Variants in CTNNA2 observed in about 807,000 individuals in gnomAD.
CTNNA2 encodes the protein catenin alpha-2.
CTNNA2 carries 42 observed loss-of-function variants against 101.0 expected under a neutral mutation model. That is an observed-to-expected ratio of 0.42 (90% CI 0.32 to 0.54). The LOEUF is 0.54. CTNNA2 is among the 20% of genes least tolerant of loss of function. The pLI is 0.14. For synonymous variants in CTNNA2, 450 were observed against 456.4 expected (o/e 0.99, Z 0.18); for missense variants, 871 against 1,223.1 (o/e 0.71, Z 4.29).
intron 2 of CTNNA2, among the ~76,000 whole-genome samples, chr2:79,248,148 G>A (rs1350339479): frequency 6.6e-6 from 1 of 152,100 alleles, no homozygotes; most frequent in African/African-American, 2.4e-5. Flanking sequence ...CTGTCTCAGA[G>A]CCTTGCTTTT....
rs139368273 is a variant in CTNNA2, at chr2:80,465,745, C to G, written c.1290+46144C>G. Among the ~76,000 whole-genome samples the G allele has an allele frequency of 3.3e-3, 495 of 152,186 alleles. 2 individuals carry two copies. The highest frequency in any genetic ancestry group is 0.013 in the South Asian group (62 of 4,824). On this transcript the variant is annotated intron_variant, in intron 9 of 18. Coordinates refer to ENST00000402739, the MANE Select transcript of CTNNA2 (RefSeq NM_001282597.3). ...TAAGGGACTAGAAAAGATGTGAAACCAAAGAATTTCAATTTTATCACTTAA... is the reference window on the plus strand; with the variant it reads ...TAAGGGACTAGAAAAGATGTGAAACGAAAGAATTTCAATTTTATCACTTAA...
At chr2:79,796,133 A>G (rs962024291) in intron 3 of CTNNA2, among the ~76,000 whole-genome samples, 3 of 152,198 alleles carry the variant, frequency 2.0e-5, no homozygotes. Context: ...TACTTGGGGT[A>G]CTATAAAGGG....
At chr2:79,720,939 C>T (rs1397087733) in intron 2 of CTNNA2, among the ~76,000 whole-genome samples, 1 of 151,894 alleles carries the variant, frequency 6.6e-6, no homozygotes, top group Non-Finnish European at 1.5e-5. Context: ...GAAGGAAAGG[C>T]CAAATGGAAT....
chr2:79,542,267 C>T (rs1305729022), intron 1 of CTNNA2, among the ~76,000 whole-genome samples: 1 of 151,946 alleles, frequency 6.6e-6, no homozygotes, highest in Non-Finnish European at 1.5e-5. Context: ...CCTTCAAAAT[C>T]GAAAGAAAGA....
intron 7 of CTNNA2, among the ~76,000 whole-genome samples, chr2:79,943,209 G>A (rs929815759): frequency 3.9e-5 from 6 of 152,006 alleles, no homozygotes; most frequent in African/African-American, 9.7e-5. Flanking sequence ...AAAAGCGAGC[G>A]GGGGTGGGGC....
intron 15 of CTNNA2, among the ~76,000 whole-genome samples, chr2:80,593,327 A>AT (rs371599488): frequency 0.029 from 4,275 of 148,130 alleles, 72 homozygotes; most frequent in Middle Eastern, 0.035. Context: ...CATGGATGTG[A>AT]TTTTTTTTTT....
intron 2 of CTNNA2, among the ~76,000 whole-genome samples, chr2:79,271,727 G>C (rs1212598603): frequency 1.3e-5 from 2 of 152,006 alleles, no homozygotes; most frequent in Non-Finnish European, 2.9e-5. Context: ...CCCTAGGGCA[G>C]GTCAGGAGGC....
At chr2:80,132,605 C>G (rs184665625) in intron 7 of CTNNA2, among the ~76,000 whole-genome samples, 239 of 152,096 alleles carry the variant, frequency 1.6e-3, no homozygotes, top group African/African-American at 5.5e-3. Flanking sequence ...CTCTTGGCAG[C>G]CCAAATACTC....
At chr2:79,280,685 A>AGAGAGAGAGAGAGAGAGAGAGAGAGAG (rs1553390858) in intron 2 of CTNNA2, among the ~76,000 whole-genome samples, 1 of 88,446 alleles carries the variant, frequency 1.1e-5, no homozygotes, top group Non-Finnish European at 2.3e-5. Context: ...GAGAGAGAGA[A>AGAGAGAGAGAGAGAGAGAGAGAGAGAG]AGAGAGAGAG....
chr2:79,956,527 A>G (rs1244474300), intron 7 of CTNNA2, among the ~76,000 whole-genome samples: 1 of 152,190 alleles, frequency 6.6e-6, no homozygotes, highest in Non-Finnish European at 1.5e-5. Context: ...TTGGGCAAAA[A>G]AGGCAGGAGA....
chr2:80,579,378 G>C (rs531818179), intron 13 of CTNNA2: 2 of 152,030 alleles, frequency 1.3e-5, no homozygotes, highest in African/African-American at 4.8e-5. Context: ...GAGATTTTTC[G>C]ATTTACTTTT....
At chr2:80,414,207 T>C (rs1473512668) in intron 8 of CTNNA2, among the ~76,000 whole-genome samples, 1 of 152,170 alleles carries the variant, frequency 6.6e-6, no homozygotes, top group Non-Finnish European at 1.5e-5. Context: ...TTGAAAAGGA[T>C]TATAAAGTAG....
intron 4 of CTNNA2, among the ~76,000 whole-genome samples, chr2:79,389,995 A>G (rs567186538): frequency 6.6e-6 from 1 of 152,290 alleles, no homozygotes; most frequent in East Asian, 1.9e-4. Context: ...GTCTAATTTT[A>G]TCAGCCACCA....
chr2:80,145,409 C>A (rs915926483), intron 7 of CTNNA2, among the ~76,000 whole-genome samples: 17 of 152,174 alleles, frequency 1.1e-4, no homozygotes, highest in Non-Finnish European at 2.9e-5. Flanking sequence ...GATTAGCTTT[C>A]TCCATGACCT....
At chr2:80,509,908 A>T (rs896239395) in intron 9 of CTNNA2, among the ~76,000 whole-genome samples, 2 of 152,198 alleles carry the variant, frequency 1.3e-5, no homozygotes, top group African/African-American at 4.8e-5. Context: ...TTCAGGCTTG[A>T]GAAGCAGTAT....
intron 7 of CTNNA2, among the ~76,000 whole-genome samples, chr2:79,917,573 C>T (rs1041248065): frequency 6.6e-6 from 1 of 152,198 alleles, no homozygotes; most frequent in South Asian, 2.1e-4. Context: ...TTCACTCTAA[C>T]TCCCAGAGAA....
intron 3 of CTNNA2, among the ~76,000 whole-genome samples, chr2:79,814,425 T>C (rs1348620565): frequency 6.6e-6 from 1 of 152,120 alleles, no homozygotes; most frequent in Non-Finnish European, 1.5e-5. Flanking sequence ...CCAAAGTCCA[T>C]TGTATGCCTT....
intron 7 of CTNNA2, among the ~76,000 whole-genome samples, chr2:80,352,986 G>A (rs1001420872): frequency 2.0e-5 from 3 of 151,902 alleles, no homozygotes; most frequent in Non-Finnish European, 4.4e-5. Flanking sequence ...CATCTATTAG[G>A]ACAGTACATG....
intron 2 of CTNNA2, among the ~76,000 whole-genome samples, chr2:79,216,038 T>C (rs1572983246): frequency 6.6e-6 from 1 of 152,124 alleles, no homozygotes; most frequent in East Asian, 1.9e-4. Flanking sequence ...GAGGGACTGA[T>C]GTGTAAAAGA....
Sources: allele counts gnomAD v4.1 joint callset (sites outside exome capture counted in the v4.1 genomes callset), GRCh38; gene constraint gnomAD v4.1.1; transcripts MANE v1.5; gene names NCBI Gene and HGNC (gene_info 2026-07-23, HGNC 2026-07-21).